The following RAB17 variants were observed in gnomAD, a reference collection of about 807,000 sequenced individuals.
RAB17 encodes the protein RAB17, member RAS oncogene family, also known as ras-related protein Rab-17.
Under a neutral mutation model 19.3 loss-of-function variants are expected in RAB17, and 15 were observed. That is an observed-to-expected ratio of 0.78 (90% CI 0.52 to 1.20). RAB17 has a LOEUF of 1.20. Ranked by LOEUF, RAB17 falls within the 50% of genes most tolerant of loss-of-function variation. RAB17 has a pLI of 0.00. For synonymous variants in RAB17, 110 were observed against 112.8 expected, an observed-to-expected ratio of 0.97 and a Z score of 0.16; for missense variants, 262 against 269.3, an observed-to-expected ratio of 0.97 and a Z score of 0.19.
chr2:237,574,572 C>T lies in RAB17; in HGVS notation c.*447G>A. On this transcript the variant is annotated 3_prime_UTR_variant, in exon 6 of 6. Transcript: ENST00000264601. ...CAGTCATCGCTCCATTTCTTCCTGG[C>T]ACCACCACCTCCATCTGGCCTGCTC... 2 of 1,549,470 alleles carry T rather than the reference C, an allele frequency of 1.3e-6. No homozygotes were observed. The highest frequency in any genetic ancestry group is 1.7e-6 in the Non-Finnish European group (2 of 1,146,506).
chr2:237,583,255 T>C (rs1384814491), intron 2 of RAB17, among the ~76,000 whole-genome samples: 1 of 152,152 alleles, frequency 6.6e-6, no homozygotes. Context: ...GGAGGATGGC[T>C]TGAGCCCAGG....
At chr2:237,583,466 A>G (rs1406012000) in intron 2 of RAB17, among the ~76,000 whole-genome samples, 1 of 152,256 alleles carries the variant, frequency 6.6e-6, no homozygotes, top group Non-Finnish European at 1.5e-5. Context: ...CATGGTTCCC[A>G]CAGGGGACTC....
Position 237,575,007 on chromosome 2 carries a change from G to C in RAB17, c.*12C>G. 6.3e-7 allele frequency: 1 copy of C among 1,587,636 alleles called. No homozygotes were observed. Among genetic ancestry groups the C allele is most frequent in the Non-Finnish European group, 8.6e-7 (1 of 1,161,100 alleles). On this transcript the variant is annotated 3_prime_UTR_variant, in exon 6 of 6. Coordinates refer to ENST00000264601, the MANE Select transcript of RAB17 (RefSeq NM_022449.4). Reference sequence around the variant, plus strand: ...GGGGTGTCTTCCCCACAGCCCCCAGGAGTGGCTGCACCTAGTGGGCGCAGC... The same window carrying C: ...GGGGTGTCTTCCCCACAGCCCCCAGCAGTGGCTGCACCTAGTGGGCGCAGC...
At chr2:237,584,313 C>T (rs2081331652) in intron 2 of RAB17, among the ~76,000 whole-genome samples, 1 of 152,102 alleles carries the variant, frequency 6.6e-6, no homozygotes, top group South Asian at 2.1e-4. Flanking sequence ...CTCGGAATCT[C>T]TCAGCCCTGC....
chr2:237,576,525 A>T (rs2081264230), intron 4 of RAB17: 1 of 461,668 alleles, frequency 2.2e-6, no homozygotes, highest in Non-Finnish European at 4.5e-6. Context: ...TCTTCACCCC[A>T]CTTCTCCATC....
chr2:237,589,868 T>A (rs2081379714), intron 1 of RAB17, among the ~76,000 whole-genome samples: 1 of 152,154 alleles, frequency 6.6e-6, no homozygotes, highest in African/African-American at 2.4e-5. Flanking sequence ...TTAGTCTTTT[T>A]TGCGGGGAAG....
chr2:237,588,997 A>G (rs1574939268), intron 1 of RAB17, among the ~76,000 whole-genome samples: 1 of 152,344 alleles, frequency 6.6e-6, no homozygotes, highest in South Asian at 2.1e-4. Context: ...AGGCAGGTGG[A>G]TCACTTGAGG....
chr2:237,588,095 T>C (rs746649454), intron 1 of RAB17, among the ~76,000 whole-genome samples: 1 of 152,190 alleles, frequency 6.6e-6, no homozygotes, highest in African/African-American at 2.4e-5. Flanking sequence ...ATGGTTTGCA[T>C]GGATCTTCCA....
At chr2:237,589,293 C>T (rs887823559) in intron 1 of RAB17, among the ~76,000 whole-genome samples, 8 of 152,068 alleles carry the variant, frequency 5.3e-5, no homozygotes, top group South Asian at 2.1e-4. Context: ...AACTCCACCC[C>T]CGTAATACAA....
intron 2 of RAB17, among the ~76,000 whole-genome samples, chr2:237,580,995 C>G (rs2081304058): frequency 6.6e-6 from 1 of 152,204 alleles, no homozygotes; most frequent in Non-Finnish European, 1.5e-5. Flanking sequence ...CTCCGTGGCT[C>G]TGACCCGGAA....
At chr2:237,581,872 G>A (rs1200993218) in intron 2 of RAB17, among the ~76,000 whole-genome samples, 1 of 152,246 alleles carries the variant, frequency 6.6e-6, no homozygotes, top group Non-Finnish European at 1.5e-5. Context: ...GCTGGCAAAT[G>A]TGCACACAAG....
intron 2 of RAB17, among the ~76,000 whole-genome samples, chr2:237,580,227 T>G (rs1323104142): frequency 6.6e-6 from 1 of 152,228 alleles, no homozygotes; most frequent in Non-Finnish European, 1.5e-5. Context: ...GAATTTTGCT[T>G]CTTCTTTCTG....
At chr2:237,575,524 T>C (rs781705545) in intron 4 of RAB17, 44 bp from the exon 5 acceptor site, 3 of 1,442,336 alleles carry the variant, frequency 2.1e-6, no homozygotes, top group Admixed American at 3.8e-5. Flanking sequence ...TATAAGAGAG[T>C]TTCCTAAGGA....
chr2:237,584,186 C>CCCCCCA (rs1352844969), intron 2 of RAB17, among the ~76,000 whole-genome samples: 5 of 151,902 alleles, frequency 3.3e-5, no homozygotes, highest in Non-Finnish European at 7.4e-5. Context: ...CACACATCAC[C>CCCCCCA]CCCCCACCCC....
At chr2:237,576,434 C>T (rs1367716623) in intron 4 of RAB17, 1 of 388,762 alleles carries the variant, frequency 2.6e-6, no homozygotes, top group East Asian at 7.3e-5. Flanking sequence ...ATCCTCTCTC[C>T]CCCACCCCAA....
Position 237,574,800 on chromosome 2 carries a change from G to A in RAB17, c.*219C>T. On this transcript the variant is annotated 3_prime_UTR_variant, in exon 6 of 6. Coordinates refer to ENST00000264601, the MANE Select transcript of RAB17 (RefSeq NM_022449.4). ...TCGGGGAATCAGATGGTATCAGTGGGGATAGGGCACAGCACTTTCCTGGGA... is the reference window on the plus strand; with the variant it reads ...TCGGGGAATCAGATGGTATCAGTGGAGATAGGGCACAGCACTTTCCTGGGA... The A allele has an allele frequency of 1.0e-6, 1 of 963,380 alleles. No individual in the cohort carries two copies. The highest frequency in any genetic ancestry group is 1.5e-6 in the Non-Finnish European group (1 of 680,454). The allele number at this position is 963,380 out of a possible 1,614,324, so 59.7% of individuals were successfully genotyped here.
intron 2 of RAB17, among the ~76,000 whole-genome samples, chr2:237,583,135 G>T (rs116356278): frequency 6.6e-6 from 1 of 152,050 alleles, no homozygotes; most frequent in East Asian, 1.9e-4. Flanking sequence ...AACATAGGCC[G>T]GGTGCAGTGG....
chr2:237,575,448 CA>C lies in RAB17; in HGVS notation c.467del (p.Leu156CysfsTer10). 6.2e-7 allele frequency: 1 copy of C among 1,612,314 alleles called. No individual in the cohort carries two copies. Among genetic ancestry groups the C allele is most frequent in the Non-Finnish European group, 8.5e-7 (1 of 1,179,456 alleles). On this transcript the variant is annotated frameshift_variant, in exon 5 of 6. Transcript: ENST00000264601. LOFTEE classifies it high-confidence loss of function. Reference sequence around the variant, plus strand: ...GTTTGGCCGAAGTTTCCATGAACAGCAACTTCTGGCTGTCGGCAAACTCCTT... The same window carrying C: ...GTTTGGCCGAAGTTTCCATGAACAGCACTTCTGGCTGTCGGCAAACTCCTT... Reference protein sequence around the residue: ...EGKEFADSQKLLFMETSAKLN... With the variant: ...EGKEFADSQKXLFMETSAKLN...
chr2:237,577,023 T>C (rs1298807372), intron 4 of RAB17, among the ~76,000 whole-genome samples: 1 of 152,004 alleles, frequency 6.6e-6, no homozygotes, highest in African/African-American at 2.4e-5. Flanking sequence ...AAGCTGTGTG[T>C]GTGTGCGTGT....
Sources: gnomAD v4.1 joint callset for allele counts (sites outside exome capture counted in the v4.1 genomes callset) on GRCh38, gnomAD v4.1.1 for gene constraint, MANE v1.5 for transcripts, NCBI Gene and HGNC (gene_info 2026-07-23, HGNC 2026-07-21) for gene names.